PCDH9: variants seen among roughly 807,000 people sequenced by gnomAD.
PCDH9 encodes the protein protocadherin 9.
A neutral mutation model predicts 70.6 loss-of-function variants in PCDH9; 24 were observed. The ratio of observed to expected loss-of-function variants is 0.34; its 90% CI spans 0.25 to 0.48. The LOEUF (loss-of-function observed/expected upper bound fraction) is 0.48. PCDH9 is among the 20% of genes least tolerant of loss of function. The pLI, the probability that PCDH9 is intolerant of heterozygous loss-of-function variation, is 0.99. For synonymous variants in PCDH9, 562 were observed against 558.5 expected (o/e 1.01, Z -0.09); for missense variants, 1,281 against 1,503.6 (o/e 0.85, Z 2.45).
chr13:66,749,069 T>C (rs2079417077), intron 3 of PCDH9, among the ~76,000 whole-genome samples: 1 of 152,228 alleles, frequency 6.6e-6, no homozygotes, highest in African/African-American at 2.4e-5. Context: ...CCTTCTGCCA[T>C]GATTATAAGT....
At chr13:66,824,232 A>G (rs934651597) in intron 3 of PCDH9, among the ~76,000 whole-genome samples, 1 of 150,286 alleles carries the variant, frequency 6.7e-6, no homozygotes, top group Admixed American at 6.6e-5. Flanking sequence ...AATAATTTGT[A>G]AATTTATCCT....
chr13:67,171,741 C>T (rs1034964176), intron 2 of PCDH9, among the ~76,000 whole-genome samples: 19 of 152,106 alleles, frequency 1.2e-4, no homozygotes, highest in Admixed American at 2.6e-4. Flanking sequence ...CTGTTTGAGG[C>T]GATTGAACCT....
At chr13:67,068,373 T>G (rs1458692443) in intron 2 of PCDH9, among the ~76,000 whole-genome samples, 1 of 152,114 alleles carries the variant, frequency 6.6e-6, no homozygotes, top group Non-Finnish European at 1.5e-5. Context: ...ACATGGAATA[T>G]GCATTATTAT....
intron 2 of PCDH9, among the ~76,000 whole-genome samples, chr13:67,036,474 G>T (rs940212531): frequency 6.6e-6 from 1 of 152,066 alleles, no homozygotes; most frequent in African/African-American, 2.4e-5. Context: ...CTTTCCAGGA[G>T]AAACATAAAA....
chr13:66,315,909 A>C (rs963670395), intron 4 of PCDH9, among the ~76,000 whole-genome samples: 1 of 152,188 alleles, frequency 6.6e-6, no homozygotes, highest in Non-Finnish European at 1.5e-5. Flanking sequence ...TAGTGGCTTA[A>C]AACAACCAGC....
chr13:67,059,562 A>G (rs1566396112), intron 2 of PCDH9, among the ~76,000 whole-genome samples: 1 of 151,578 alleles, frequency 6.6e-6, no homozygotes, highest in Non-Finnish European at 1.5e-5. Flanking sequence ...TTATACAAGA[A>G]GAAGTATAGT....
intron 3 of PCDH9, among the ~76,000 whole-genome samples, chr13:66,804,913 C>T (rs2080388145): frequency 6.6e-6 from 1 of 151,994 alleles, no homozygotes; most frequent in African/African-American, 2.4e-5. Context: ...ACAGTCAATA[C>T]AGTTCTGGAC....
intron 2 of PCDH9, among the ~76,000 whole-genome samples, chr13:66,967,533 T>G (rs753932861): frequency 1.3e-5 from 2 of 152,030 alleles, no homozygotes; most frequent in Non-Finnish European, 2.9e-5. Context: ...ATAGAAATTT[T>G]CCTAATATTG....
At chr13:66,894,821 T>A (rs1458722171) in intron 3 of PCDH9, among the ~76,000 whole-genome samples, 1 of 152,138 alleles carries the variant, frequency 6.6e-6, no homozygotes, top group African/African-American at 2.4e-5. Context: ...GTATTTTTTT[T>A]TTTTTAGTCA....
At chr13:66,645,800 A>T (rs1251375727) in intron 3 of PCDH9, among the ~76,000 whole-genome samples, 1 of 152,172 alleles carries the variant, frequency 6.6e-6, no homozygotes, top group East Asian at 1.9e-4. Flanking sequence ...CATAATGTTT[A>T]TAAAGTAGTA....
intron 2 of PCDH9, among the ~76,000 whole-genome samples, chr13:67,188,403 A>C (rs2088816830): frequency 6.6e-6 from 1 of 152,124 alleles, no homozygotes; most frequent in Non-Finnish European, 1.5e-5. Context: ...TTATCTTGAC[A>C]ATGCTTTTAT....
At chr13:66,543,400 A>C (rs981009462) in intron 4 of PCDH9, among the ~76,000 whole-genome samples, 2 of 151,932 alleles carry the variant, frequency 1.3e-5, no homozygotes, top group Non-Finnish European at 2.9e-5. Flanking sequence ...GAAACTCCCT[A>C]CTAAAAAATA....
chr13:66,954,042 C>G (rs2083227891), intron 2 of PCDH9, among the ~76,000 whole-genome samples: 1 of 152,146 alleles, frequency 6.6e-6, no homozygotes, highest in Non-Finnish European at 1.5e-5. Context: ...CGCAAAATAC[C>G]AAATGAAGAA....
intron 2 of PCDH9, among the ~76,000 whole-genome samples, chr13:66,940,564 G>A (rs974437545): frequency 8.6e-5 from 13 of 151,980 alleles, no homozygotes; most frequent in Admixed American, 2.0e-4. Flanking sequence ...TATATCTCAT[G>A]TTTAACTTTT....
chr13:67,054,732 T>C (rs2085386022), intron 2 of PCDH9, among the ~76,000 whole-genome samples: 1 of 152,128 alleles, frequency 6.6e-6, no homozygotes, highest in South Asian at 2.1e-4. Context: ...GTTGAGAAAT[T>C]TGTTATAATC....
intron 2 of PCDH9, among the ~76,000 whole-genome samples, chr13:66,968,590 A>G (rs891878869): frequency 6.6e-6 from 1 of 151,986 alleles, no homozygotes; most frequent in Non-Finnish European, 1.5e-5. Flanking sequence ...ATTGGTTAAG[A>G]TTTTCTAAAC....
intron 4 of PCDH9, among the ~76,000 whole-genome samples, chr13:66,564,765 G>A (rs2138720200): frequency 6.6e-6 from 1 of 152,016 alleles, no homozygotes; most frequent in East Asian, 1.9e-4. Flanking sequence ...AGTCAATAGG[G>A]AGTTATCTCC....
intron 2 of PCDH9, among the ~76,000 whole-genome samples, chr13:67,157,541 T>C (rs919396412): frequency 6.6e-6 from 1 of 152,212 alleles, no homozygotes; most frequent in African/African-American, 2.4e-5. Context: ...AGCACTGGCC[T>C]GTGCAGTGGG....
chr13:66,567,957 C>A (rs1469728270), intron 4 of PCDH9, among the ~76,000 whole-genome samples: 1 of 152,102 alleles, frequency 6.6e-6, no homozygotes, highest in Admixed American at 6.5e-5. Flanking sequence ...GGTTTGCATC[C>A]TAAGCCTAAA....
Sources: allele counts gnomAD v4.1 joint callset (sites outside exome capture counted in the v4.1 genomes callset), GRCh38; gene constraint gnomAD v4.1.1; transcripts MANE v1.5; gene names NCBI Gene and HGNC (gene_info 2026-07-23, HGNC 2026-07-21).